The following CCNC variants were observed in gnomAD, a reference collection of about 807,000 sequenced individuals.
CCNC encodes cyclin C, also known as cyclin-C.
Under a neutral mutation model 50.0 loss-of-function variants are expected in CCNC, and 19 were observed. That is an observed-to-expected ratio of 0.38 (90% CI 0.27 to 0.56). CCNC has a LOEUF of 0.56. CCNC is among the 20% of genes least tolerant of loss of function. CCNC has a pLI of 0.72. For missense variants in CCNC, 200 were observed against 327.1 expected, an observed-to-expected ratio of 0.61 and a Z score of 3.00; for synonymous variants, 93 against 103.7, an observed-to-expected ratio of 0.90 and a Z score of 0.63.
chr6:99,562,508 G>A (rs981295083), intron 2 of CCNC: 8 of 172,536 alleles, frequency 4.6e-5, no homozygotes, highest in African/African-American at 7.2e-5. Context: ...TAAGAGAAAC[G>A]ACCACTATAG....
intron 1 of CCNC, among the ~76,000 whole-genome samples, chr6:99,564,161 A>C (rs1768997465): frequency 6.6e-6 from 1 of 152,140 alleles, no homozygotes; most frequent in Admixed American, 6.5e-5. Context: ...GCGGTGGCTC[A>C]TGCCTGTAAT....
At chr6:99,553,711 C>T (rs1308387849) in intron 5 of CCNC, among the ~76,000 whole-genome samples, 1 of 152,022 alleles carries the variant, frequency 6.6e-6, no homozygotes. Flanking sequence ...TAGACTCAAA[C>T]ACTGAGATCA....
Position 99,555,069 on chromosome 6 carries a change from T to C in CCNC, c.347-3174A>G, listed in dbSNP as rs116416209. On this transcript the variant is annotated intron_variant, in intron 5 of 11. Transcript: ENST00000520429. ...AAACATTTGCTATTGATTTACGTAA[T>C]TGTTTAATTCCCATATACATGTATA... Among the ~76,000 whole-genome samples the C allele has an allele frequency of 2.9e-3, 449 of 152,340 alleles. 2 individuals carry two copies. The highest frequency in any genetic ancestry group is 0.01 in the African/African-American group (421 of 41,582).
intron 9 of CCNC, among the ~76,000 whole-genome samples, chr6:99,547,666 G>A (rs1802122501): frequency 6.6e-6 from 1 of 152,158 alleles, no homozygotes; most frequent in Non-Finnish European, 1.5e-5. Context: ...CCCACTAGAT[G>A]CTAGTAGCAC....
intron 5 of CCNC, among the ~76,000 whole-genome samples, chr6:99,555,272 T>C (rs1472021681): frequency 6.6e-6 from 1 of 152,204 alleles, no homozygotes; most frequent in Non-Finnish European, 1.5e-5. Context: ...ATATTTTTAA[T>C]ATAGTTAGAC....
At chr6:99,558,407 T>C (rs1802635757) in intron 5 of CCNC, 90 bp downstream of exon 5, 1 of 1,548,290 alleles carries the variant, frequency 6.5e-7, no homozygotes, top group Non-Finnish European at 8.7e-7. Flanking sequence ...CAATCTCATA[T>C]GTCTCATAAA....
chr6:99,560,937 G>A (rs569587296), intron 4 of CCNC, among the ~76,000 whole-genome samples: 1 of 152,218 alleles, frequency 6.6e-6, no homozygotes, highest in Non-Finnish European at 1.5e-5. Flanking sequence ...TAGGCAAGCT[G>A]TGGTACTTAC....
At chr6:99,545,988 A>T (rs1206969072) in intron 10 of CCNC, among the ~76,000 whole-genome samples, 2 of 151,058 alleles carry the variant, frequency 1.3e-5, no homozygotes, top group Non-Finnish European at 3.0e-5. Context: ...TTTTTTTTTT[A>T]AACGGAGTCT....
intron 5 of CCNC, 135 bp from the exon 6 acceptor site, chr6:99,552,030 G>T: frequency 8.3e-6 from 4 of 479,906 alleles, no homozygotes; most frequent in Non-Finnish European, 1.3e-5. Flanking sequence ...ACTTACGGAC[G>T]CAGATTTTTA....
At chr6:99,559,383 CCTTCA>C (rs1191490207) in intron 4 of CCNC, among the ~76,000 whole-genome samples, 15 of 151,572 alleles carry the variant, frequency 9.9e-5, no homozygotes, top group Admixed American at 9.9e-4. Flanking sequence ...ATTTCTAAAG[CCTTCA>C]CTTCATTTTA....
At chr6:99,566,423 A>G (rs1769126379) in intron 1 of CCNC, among the ~76,000 whole-genome samples, 1 of 152,032 alleles carries the variant, frequency 6.6e-6, no homozygotes, top group African/African-American at 2.4e-5. Context: ...GTTATTTTCT[A>G]GATAGTAAGT....
In CCNC at chr6:99,542,540, T is replaced by G. The variant is rs149874867; in HGVS notation, c.*1015A>C. On this transcript the variant is annotated 3_prime_UTR_variant, in exon 12 of 12. Coordinates refer to ENST00000520429, the MANE Select transcript of CCNC (RefSeq NM_005190.4). ...ATTTTATTTATCACTCTCCTTCAAG[T>G]CTGAAGAAAATGATTAATTTGCTAA... 10 of 152,752 alleles carry G rather than the reference T, an allele frequency of 6.5e-5. No individual in the cohort carries two copies. Among genetic ancestry groups the G allele is most frequent in the Middle Eastern group, 3.4e-3 (1 of 294 alleles). 9.5% of individuals were successfully genotyped at this position (152,752 alleles called of 1,614,324 possible).
chr6:99,557,223 T>C (rs1019639061), intron 5 of CCNC: 5 of 152,228 alleles, frequency 3.3e-5, no homozygotes, highest in Admixed American at 6.5e-5. Flanking sequence ...AACTCTCTTA[T>C]ACTATTTATT....
intron 8 of CCNC, 126 bp from the exon 9 acceptor site, chr6:99,549,701 C>T (rs1583572345): frequency 1.7e-6 from 1 of 605,954 alleles, no homozygotes; most frequent in East Asian, 2.8e-5. Flanking sequence ...TACTGAAGCA[C>T]AGCTATAAAA....
At chr6:99,557,863 G>C (rs187126589) in intron 5 of CCNC, 1 of 148,384 alleles carries the variant, frequency 6.7e-6, no homozygotes, top group Non-Finnish European at 1.5e-5. Flanking sequence ...AATTCTGTAA[G>C]ACTATTGTCC....
intron 1 of CCNC, chr6:99,566,850 T>C (rs994267820): frequency 1.4e-4 from 58 of 400,108 alleles, no homozygotes; most frequent in Non-Finnish European, 2.3e-4. Context: ...CTTAGAAGCA[T>C]GAAATATAGC....
intron 5 of CCNC, among the ~76,000 whole-genome samples, chr6:99,555,751 C>G (rs146779722): frequency 6.8e-4 from 103 of 152,264 alleles, no homozygotes; most frequent in African/African-American, 2.2e-3. Flanking sequence ...CTGTGCAACT[C>G]TTAAATGTTA....
At chr6:99,550,822 G>C in intron 7 of CCNC, 171 bp downstream of exon 7, 1 of 320,816 alleles carries the variant, frequency 3.1e-6, no homozygotes. Context: ...TTATTTTACA[G>C]GCTTCAGAGA....
chr6:99,555,201 AT>A (rs1802461611), intron 5 of CCNC, among the ~76,000 whole-genome samples: 1 of 152,092 alleles, frequency 6.6e-6, no homozygotes, highest in Admixed American at 6.6e-5. Context: ...ACTCTTAATC[AT>A]TTCCAAAGCT....
Sources: gnomAD v4.1 joint callset for allele counts (sites outside exome capture counted in the v4.1 genomes callset) on GRCh38, gnomAD v4.1.1 for gene constraint, MANE v1.5 for transcripts, NCBI Gene and HGNC (gene_info 2026-07-23, HGNC 2026-07-21) for gene names.